PCDH11X: variants seen among roughly 807,000 people sequenced by gnomAD.
PCDH11X encodes the protein protocadherin 11 X-linked.
A neutral mutation model predicts 53.3 loss-of-function variants in PCDH11X; 18 were observed. The observed-to-expected ratio is 0.34, with a 90% CI of 0.23 to 0.50. The LOEUF is 0.50. Ranked by LOEUF, PCDH11X falls within the 20% of genes least tolerant of loss-of-function variation. PCDH11X has a pLI of 0.98. For missense variants in PCDH11X, 570 were observed against 1,032.4 expected (o/e 0.55, Z 6.14); for synonymous variants, 279 against 393.3 (o/e 0.71, Z 3.44).
chrX:92,226,678 A>G (rs1483957517), intron 7 of PCDH11X, among the ~76,000 whole-genome samples: 1 of 110,745 alleles, frequency 9.0e-6, no homozygotes, highest in Non-Finnish European at 1.9e-5. Flanking sequence ...CCCCCTTTGG[A>G]GAAGAGGGAT....
At chrX:91,863,115 T>C (rs1362219631) in intron 5 of PCDH11X, among the ~76,000 whole-genome samples, 2 of 109,477 alleles carry the variant, frequency 1.8e-5, no homozygotes, top group African/African-American at 6.6e-5. Context: ...ATCTATTAGA[T>C]GCATGTGGTG....
chrX:92,459,693 C>G, intron 9 of PCDH11X: 1 of 1,102,561 alleles, frequency 9.1e-7, no homozygotes, highest in Non-Finnish European at 1.3e-6. Flanking sequence ...GGTCCACCTT[C>G]TCCACCAACT....
chrX:92,485,564 G>A (rs189041813), intron 10 of PCDH11X, among the ~76,000 whole-genome samples: 1 of 111,350 alleles, frequency 9.0e-6, no homozygotes, highest in Admixed American at 9.6e-5. Flanking sequence ...TTTTCTTTAA[G>A]ATATAGCCTT....
chrX:92,020,955 G>C (rs2062874752), intron 6 of PCDH11X, among the ~76,000 whole-genome samples: 1 of 110,433 alleles, frequency 9.1e-6, no homozygotes, highest in Admixed American at 9.6e-5. Flanking sequence ...CTTCCCTACA[G>C]AAGAGGGACC....
intron 7 of PCDH11X, among the ~76,000 whole-genome samples, chrX:92,208,425 G>T (rs868539846): frequency 1.1e-5 from 1 of 92,806 alleles, no homozygotes; most frequent in Admixed American, 1.2e-4. Flanking sequence ...CCTTTGTCTG[G>T]CTTCAAAGCT....
At position 91,801,252 on chromosome X, in the gene PCDH11X, G is replaced by A. The variant is rs751270033; in HGVS notation, c.-378-8214G>A. Among the ~76,000 whole-genome samples, 231 of 107,049 alleles carry A rather than the reference G, an allele frequency of 2.2e-3. 2 individuals carry two copies. The highest frequency in any genetic ancestry group is 7.3e-3 in the African/African-American group (217 of 29,587). The allele number at this position is 107,049 out of a possible 115,157, so 93.0% of individuals were successfully genotyped here. A position where few individuals can be genotyped will look rare whatever the true frequency, so the allele number is the denominator to read the frequency against. On this transcript the variant is annotated intron_variant, in intron 1 of 10. Coordinates refer to ENST00000682573, the MANE Select transcript of PCDH11X (RefSeq NM_032968.5). ...TAAAATGATTTAAATAAGAAGGGAA[G>A]TTACTTATTCAACTCAAAAGAATTT... is the stretch of plus-strand genomic sequence containing the variant.
At chrX:91,782,590 G>A (rs1474627970) in intron 1 of PCDH11X, among the ~76,000 whole-genome samples, 1 of 108,032 alleles carries the variant, frequency 9.3e-6, no homozygotes, top group African/African-American at 3.4e-5. Flanking sequence ...AAATTGTGAG[G>A]TGGGGGAGGG....
chrX:92,275,655 G>A (rs904297010), intron 8 of PCDH11X, among the ~76,000 whole-genome samples: 4 of 112,083 alleles, frequency 3.6e-5, no homozygotes, highest in African/African-American at 1.3e-4. Context: ...TGGTTGATAA[G>A]GCACAGATTC....
intron 10 of PCDH11X, among the ~76,000 whole-genome samples, chrX:92,503,532 A>G (rs1157944781): frequency 1.1e-5 from 1 of 95,217 alleles, no homozygotes; most frequent in Non-Finnish European, 2.1e-5. Flanking sequence ...ACCTCATTGC[A>G]TACCATGCAG....
rs57505913 is a variant in PCDH11X, at chrX:92,534,949, G to A, written c.3367+66627G>A. ...AACCAGTACCAGCCACTACAAACAC[G>A]TGCCAAATCAAAACCACAGTGAGAT... On this transcript the variant is annotated intron_variant, in intron 10 of 10. Transcript: ENST00000682573. Among the ~76,000 whole-genome samples, 185 of 111,224 alleles carry A rather than the reference G, an allele frequency of 1.7e-3. 1 individual carries two copies. The highest frequency in any genetic ancestry group is 5.8e-3 in the African/African-American group (177 of 30,585).
At chrX:91,867,836 T>C (rs966182618) in intron 5 of PCDH11X, among the ~76,000 whole-genome samples, 1 of 111,664 alleles carries the variant, frequency 9.0e-6, no homozygotes, top group African/African-American at 3.3e-5. Flanking sequence ...AATCCAGATT[T>C]ATAAAAAAAG....
At position 92,195,691 on chromosome X, in the gene PCDH11X, G is replaced by A. The variant is rs1289764271; in HGVS notation, c.3034-5684G>A. ...AAATTTTAGTTTATATTAACCCGGG[G>A]TTGAGTCATTTCTAAACATTCCATC... On this transcript the variant is annotated intron_variant, in intron 6 of 10. Transcript: ENST00000682573. Among the ~76,000 whole-genome samples, 3 of 111,697 alleles carry A rather than the reference G, an allele frequency of 2.7e-5. No homozygotes were observed. In the Admixed American group the frequency reaches 2.9e-4, roughly 11 times the overall value.
chrX:92,264,994 A>G (rs776404615), intron 8 of PCDH11X, among the ~76,000 whole-genome samples: 1 of 107,950 alleles, frequency 9.3e-6, no homozygotes, highest in East Asian at 2.9e-4. Flanking sequence ...AAAATCTGCA[A>G]GGATCTCAAA....
chrX:92,078,016 C>A (rs1445242451), intron 6 of PCDH11X, among the ~76,000 whole-genome samples: 1 of 109,595 alleles, frequency 9.1e-6, no homozygotes, highest in African/African-American at 3.3e-5. Flanking sequence ...TTATTATTAG[C>A]CCTATGCTTG....
chrX:91,877,684 G>T lies in PCDH11X; in HGVS notation c.1444G>T (p.Gly482Cys). The T allele has an allele frequency of 8.3e-7, 1 of 1,211,153 alleles. No homozygotes were observed. The highest frequency in any genetic ancestry group is 1.1e-6 in the Non-Finnish European group (1 of 895,342). The change falls in exon 6 of 11, where the codon GGC becomes TGC. Residue 482 changes from glycine (G) to cysteine (C), a missense_variant. Transcript: ENST00000682573. ...TVSIPENNSP[G>C]IQLTKVSAMD... is the part of the protein sequence containing the mutation. ...TTCTATTCCTGAGAATAACTCTCCT[G>T]GCATCCAGTTGACGAAAGTAAGTGC... is the stretch of plus-strand genomic sequence containing the variant.
intron 10 of PCDH11X, among the ~76,000 whole-genome samples, chrX:92,567,675 T>A (rs941409744): frequency 1.8e-5 from 2 of 109,453 alleles, no homozygotes; most frequent in African/African-American, 6.7e-5. Flanking sequence ...TGAATAGGAG[T>A]AGTGAGAGAG....
At chrX:92,117,801 A>G in intron 6 of PCDH11X, among the ~76,000 whole-genome samples, 1 of 111,857 alleles carries the variant, frequency 8.9e-6, no homozygotes, top group Middle Eastern at 4.6e-3. Flanking sequence ...CAAAGTGAGA[A>G]CAAGCTTGCT....
At chrX:92,170,515 T>G (rs1215848912) in intron 6 of PCDH11X, among the ~76,000 whole-genome samples, 6 of 110,056 alleles carry the variant, frequency 5.5e-5, no homozygotes, top group Non-Finnish European at 9.5e-5. Context: ...AAAAGAAAAT[T>G]TTCAAACATA....
chrX:92,293,571 C>T lies in PCDH11X; in HGVS notation c.3144+30428C>T, dbSNP rs1164707528. Among the ~76,000 whole-genome samples the T allele has an allele frequency of 2.9e-5, 3 of 103,681 alleles. 1 individual carries two copies. The highest frequency in any genetic ancestry group is 7.4e-5 in the African/African-American group (2 of 26,885). The allele number at this position is 103,681 out of a possible 115,157, so 90.0% of individuals were successfully genotyped here. A position where few individuals can be genotyped will look rare whatever the true frequency, so the allele number is the denominator to read the frequency against. ...CCAGGAGGCGGAGCTGGCAGTAAGC[C>T]GAGATCGCGCCACTGCACTCCAGCC... is the stretch of plus-strand genomic sequence containing the variant. On this transcript the variant is annotated intron_variant, in intron 8 of 10. Transcript: ENST00000682573.
Sources: allele counts gnomAD v4.1 joint callset (sites outside exome capture counted in the v4.1 genomes callset), GRCh38; gene constraint gnomAD v4.1.1; transcripts MANE v1.5; gene names NCBI Gene and HGNC (gene_info 2026-07-23, HGNC 2026-07-21).